Variants in NAT1 observed in about 807,000 individuals in gnomAD.
The protein encoded by NAT1 is arylamine N-acetyltransferase 1.
For synonymous variants in NAT1, 144 were observed against 122.6 expected (o/e 1.17, Z -1.16); for missense variants, 400 against 339.2 (o/e 1.18, Z -1.41).
intron 2 of NAT1, among the ~76,000 whole-genome samples, chr8:18,178,913 G>T (rs1563161703): frequency 6.6e-6 from 1 of 152,044 alleles, no homozygotes; most frequent in South Asian, 2.1e-4. Flanking sequence ...TTCACCTTAC[G>T]CTTCAACCTC....
intron 2 of NAT1, among the ~76,000 whole-genome samples, chr8:18,191,424 A>G (rs989788110): frequency 2.0e-5 from 3 of 152,194 alleles, no homozygotes; most frequent in Non-Finnish European, 4.4e-5. Flanking sequence ...AGAAAATTCC[A>G]TTCTTAACAT....
At chr8:18,207,770 T>A (rs1803787399), upstream of NAT1, among the ~76,000 whole-genome samples, 1 of 152,302 alleles carries the variant, frequency 6.6e-6, no homozygotes, top group Middle Eastern at 3.4e-3. Flanking sequence ...CCTGGGTATA[T>A]ACCCAAAGGA....
intron 2 of NAT1, among the ~76,000 whole-genome samples, chr8:18,220,052 G>C (rs1290961117): frequency 6.6e-6 from 1 of 152,208 alleles, no homozygotes; most frequent in Non-Finnish European, 1.5e-5. Context: ...CGTCCTTTTA[G>C]ATCGGCTTCT....
intron 2 of NAT1, among the ~76,000 whole-genome samples, chr8:18,170,950 G>T (rs899395439): frequency 2.6e-5 from 4 of 151,802 alleles, no homozygotes; most frequent in African/African-American, 9.7e-5. Context: ...CACTTAAGAG[G>T]CCAGGCATCT....
At chr8:18,201,661 G>C (rs951612363) in intron 2 of NAT1, among the ~76,000 whole-genome samples, 1 of 152,256 alleles carries the variant, frequency 6.6e-6, no homozygotes, top group Admixed American at 6.5e-5. Flanking sequence ...GGGCTGACTG[G>C]CATTGGGTTG....
chr8:18,191,762 G>A (rs1803001369), intron 2 of NAT1, among the ~76,000 whole-genome samples: 1 of 151,990 alleles, frequency 6.6e-6, no homozygotes, highest in Admixed American at 6.6e-5. Context: ...TTAATAAATG[G>A]TGCTGGGAAA....
chr8:18,195,531 C>T (rs1328229003), intron 2 of NAT1, among the ~76,000 whole-genome samples: 1 of 152,160 alleles, frequency 6.6e-6, no homozygotes, highest in Non-Finnish European at 1.5e-5. Flanking sequence ...CCCCAGAGAA[C>T]TGTATACGCT....
At chr8:18,214,556 T>G (rs145633405) in intron 1 of NAT1, among the ~76,000 whole-genome samples, 173 of 152,356 alleles carry the variant, frequency 1.1e-3, no homozygotes, top group South Asian at 3.9e-3. Context: ...TTGTCTTTAA[T>G]TTTGACTTTT....
In NAT1 at chr8:18,222,803, A is replaced by T. The variant is rs112846752; in HGVS notation, c.756A>T (p.Leu252=). The change falls in exon 3 of 3, where the codon CTA becomes CTT. Residue 252 remains leucine (L), a synonymous_variant. Transcript: ENST00000307719. ...RRFNYKDNTD[L]IEFKTLSEEE... ...TCAATTATAAGGACAATACAGATCTAATAGAGTTCAAGACTCTGAGTGAGG... is the reference window on the plus strand; with the variant it reads ...TCAATTATAAGGACAATACAGATCTTATAGAGTTCAAGACTCTGAGTGAGG... 52 of 1,612,586 alleles carry T rather than the reference A, an allele frequency of 3.2e-5. 2 individuals carry two copies. In the African/African-American group the frequency reaches 3.5e-4, roughly 11 times the overall value.
chr8:18,184,045 G>C (rs1454830103), intron 2 of NAT1, among the ~76,000 whole-genome samples: 1 of 152,060 alleles, frequency 6.6e-6, no homozygotes. Flanking sequence ...GGGCGGGGTG[G>C]TGGGGGGGTC....
At chr8:18,211,524 G>C (rs1444784746) in intron 1 of NAT1, among the ~76,000 whole-genome samples, 1 of 152,192 alleles carries the variant, frequency 6.6e-6, no homozygotes, top group Non-Finnish European at 1.5e-5. Context: ...GGCCCTTGCT[G>C]TCTTCAGCAG....
chr8:18,220,828 A>G (rs1458621915), intron 2 of NAT1, among the ~76,000 whole-genome samples: 1 of 152,174 alleles, frequency 6.6e-6, no homozygotes, highest in Non-Finnish European at 1.5e-5. Flanking sequence ...GTTCCTCAGT[A>G]AAGTCTCAGA....
At position 18,219,398 on chromosome 8, in the gene NAT1, C is replaced by T; in HGVS notation, c.-85-13C>T. 4 of 1,529,776 alleles carry T rather than the reference C, an allele frequency of 2.6e-6. No homozygotes were observed. The highest frequency in any genetic ancestry group is 1.2e-5 in the South Asian group (1 of 81,952). The allele number at this position is 1,529,776 out of a possible 1,614,324, so 94.8% of individuals were successfully genotyped here. ...TGTTATATATTTCTGACTGTCTTTT[C>T]TCTTATTTCTAGAATTCAAGCCAGG... On this transcript the variant is annotated splice_polypyrimidine_tract_variant and intron_variant, in intron 1 of 2. Coordinates refer to ENST00000307719, the MANE Select transcript of NAT1 (RefSeq NM_000662.8).
At chr8:18,217,112 A>G in intron 1 of NAT1, 1 of 697,060 alleles carries the variant, frequency 1.4e-6, no homozygotes, top group Non-Finnish European at 2.4e-6. Context: ...TTGTTATATA[A>G]CTGGTTTTCC....
At chr8:18,216,799 T>C in intron 1 of NAT1, 1 of 816,562 alleles carries the variant, frequency 1.2e-6, no homozygotes, top group Non-Finnish European at 1.9e-6. Context: ...TGATGAGAAT[T>C]TAGAAGGGTC....
At chr8:18,219,935 G>C (rs1197262391) in intron 2 of NAT1, among the ~76,000 whole-genome samples, 1 of 152,168 alleles carries the variant, frequency 6.6e-6, no homozygotes, top group Non-Finnish European at 1.5e-5. Flanking sequence ...GAAAACAAAT[G>C]CTTGTAAACA....
chr8:18,201,983 A>C (rs925125719), intron 2 of NAT1, among the ~76,000 whole-genome samples: 1 of 152,246 alleles, frequency 6.6e-6, no homozygotes, highest in Non-Finnish European at 1.5e-5. Flanking sequence ...TCCAAAATAC[A>C]ACTTTCTGAC....
intron 2 of NAT1, among the ~76,000 whole-genome samples, chr8:18,173,844 G>A (rs1348746637): frequency 6.6e-6 from 1 of 152,096 alleles, no homozygotes; most frequent in Non-Finnish European, 1.5e-5. Flanking sequence ...TTGAAACAAT[G>A]TTATTGACAT....
chr8:18,182,710 C>G (rs1211386886), intron 2 of NAT1, among the ~76,000 whole-genome samples: 1 of 152,062 alleles, frequency 6.6e-6, no homozygotes, highest in Non-Finnish European at 1.5e-5. Context: ...CTAAGACTGT[C>G]TCACTATTTT....
Sources: gnomAD v4.1 joint callset for allele counts (sites outside exome capture counted in the v4.1 genomes callset) on GRCh38, gnomAD v4.1.1 for gene constraint, MANE v1.5 for transcripts, NCBI Gene and HGNC (gene_info 2026-07-23, HGNC 2026-07-21) for gene names.